Variants in SDK1 observed in about 807,000 individuals in gnomAD.
SDK1 encodes sidekick cell adhesion molecule 1, also known as protein sidekick-1.
In SDK1, 157 loss-of-function variants were observed where a neutral mutation model predicts 245.5. That is an observed-to-expected ratio of 0.64 (90% CI 0.56 to 0.73). The LOEUF (loss-of-function observed/expected upper bound fraction) is 0.73, where lower values mean the gene tolerates loss of function less well. SDK1 is among the 30% of genes least tolerant of loss of function. The pLI is 0.00. For missense variants in SDK1, 3,583 were observed against 3,002.3 expected (o/e 1.19, Z -4.52); for synonymous variants, 1,647 against 1,278.5 (o/e 1.29, Z -6.15).
chr7:3,512,310 C>T (rs1782607105), intron 1 of SDK1, among the ~76,000 whole-genome samples: 2 of 152,130 alleles, frequency 1.3e-5, no homozygotes, highest in Non-Finnish European at 2.9e-5. Context: ...CACTTGTTTT[C>T]AGTGCTGAGT....
intron 13 of SDK1, among the ~76,000 whole-genome samples, chr7:3,980,231 G>C (rs999322474): frequency 2.6e-5 from 4 of 152,196 alleles, no homozygotes; most frequent in Non-Finnish European, 4.4e-5. Context: ...TTTCTTTCGA[G>C]TCTTTTTCAA....
chr7:4,119,725 T>C lies in SDK1; in HGVS notation c.3823+5451T>C, dbSNP rs144917928. Among the ~76,000 whole-genome samples the C allele has an allele frequency of 6.0e-5, 9 of 149,246 alleles. No homozygotes were observed. The East Asian group carries it at 1.7e-3, about 29-fold the overall frequency. On this transcript the variant is annotated intron_variant, in intron 25 of 44. Transcript: ENST00000404826. Reference sequence around the variant, plus strand: ...AAAATGATTCCTCTCTGGAGAGATATTGCCAAAGCCAAATTATCCAAAATA... The same window carrying C: ...AAAATGATTCCTCTCTGGAGAGATACTGCCAAAGCCAAATTATCCAAAATA...
At chr7:3,658,606 C>A (rs1313992140) in intron 4 of SDK1, among the ~76,000 whole-genome samples, 1 of 134,776 alleles carries the variant, frequency 7.4e-6, no homozygotes, top group African/African-American at 2.7e-5. Context: ...TCACTACTAT[C>A]TTCTTTTTTT....
In SDK1 at chr7:4,070,655, C is replaced by T. The variant is rs59768762; in HGVS notation, c.3010+2719C>T. Reference sequence around the variant, plus strand: ...GTGCCAACCAGATCCCCTGATAGAGCGGTGTGCCCACAGCCCATACACAAG... The same window carrying T: ...GTGCCAACCAGATCCCCTGATAGAGTGGTGTGCCCACAGCCCATACACAAG... On this transcript the variant is annotated intron_variant, in intron 20 of 44. Transcript: ENST00000404826. 7.5e-3 allele frequency among the ~76,000 whole-genome samples: 1,139 copies of T among 152,194 alleles called. 10 individuals carry two copies. Among genetic ancestry groups the T allele is most frequent in the African/African-American group, 0.026 (1,085 of 41,544 alleles).
At chr7:3,343,479 C>A (rs1181248218) in intron 1 of SDK1, among the ~76,000 whole-genome samples, 1 of 152,086 alleles carries the variant, frequency 6.6e-6, no homozygotes, top group African/African-American at 2.4e-5. Context: ...TAGTGGCTTC[C>A]AGTGGCTAAA....
At chr7:3,413,523 C>A (rs1029330612) in intron 1 of SDK1, among the ~76,000 whole-genome samples, 3 of 152,090 alleles carry the variant, frequency 2.0e-5, no homozygotes, top group African/African-American at 7.2e-5. Flanking sequence ...AGTGAAACTC[C>A]GTCTCTACTA....
Position 3,877,738 on chromosome 7 carries a change from G to A in SDK1, c.847+56155G>A, listed in dbSNP as rs572422371. 4.6e-5 allele frequency among the ~76,000 whole-genome samples: 7 copies of A among 152,112 alleles called. No homozygotes were observed. In the East Asian group the frequency reaches 5.8e-4, roughly 13 times the overall value. The stretch of plus-strand genomic sequence containing the variant: ...GAAAATATGGAGATTCGTATAAGAC[G>A]GGGTATCATCCTAAAGTCAATGTGG... On this transcript the variant is annotated intron_variant, in intron 5 of 44. Coordinates refer to ENST00000404826, the MANE Select transcript of SDK1 (RefSeq NM_152744.4).
intron 1 of SDK1, among the ~76,000 whole-genome samples, chr7:3,315,456 A>C (rs1383471044): frequency 6.6e-6 from 1 of 152,170 alleles, no homozygotes; most frequent in Non-Finnish European, 1.5e-5. Flanking sequence ...CCACATGAAC[A>C]GCCCTTCCTG....
At chr7:4,048,102 T>C (rs1789152249) in intron 17 of SDK1, among the ~76,000 whole-genome samples, 1 of 152,112 alleles carries the variant, frequency 6.6e-6, no homozygotes, top group Non-Finnish European at 1.5e-5. Flanking sequence ...AGACGGGCTT[T>C]TGGGGAAGGG....
At chr7:3,698,495 A>G (rs994224795) in intron 4 of SDK1, among the ~76,000 whole-genome samples, 3 of 152,282 alleles carry the variant, frequency 2.0e-5, no homozygotes, top group Non-Finnish European at 4.4e-5. Flanking sequence ...AGTGGTGACA[A>G]GGGCCCTCCT....
rs59020357 is a variant in SDK1 at position 3,618,510 on chromosome 7, C to T, written c.299-570C>T. Among the ~76,000 whole-genome samples, 303 of 152,318 alleles carry T rather than the reference C, an allele frequency of 2.0e-3. 2 individuals carry two copies. Among genetic ancestry groups the T allele is most frequent in the African/African-American group, 7.0e-3 (293 of 41,562 alleles). ...TGTAGCAATTGTTGCTGCATTCTCGCTGCAGTGCGCTGTTCCATTATGTGA... is the reference window on the plus strand; with the variant it reads ...TGTAGCAATTGTTGCTGCATTCTCGTTGCAGTGCGCTGTTCCATTATGTGA... On this transcript the variant is annotated intron_variant, in intron 1 of 44. Transcript: ENST00000404826.
intron 1 of SDK1, among the ~76,000 whole-genome samples, chr7:3,588,817 G>T (rs1780769624): frequency 6.6e-6 from 1 of 152,140 alleles, no homozygotes; most frequent in African/African-American, 2.4e-5. Context: ...CACTACTTTG[G>T]ATGATCCAAA....
In SDK1 at chr7:3,839,761, T is replaced by G. The variant is rs6969060; in HGVS notation, c.847+18178T>G. On this transcript the variant is annotated intron_variant, in intron 5 of 44. Coordinates refer to ENST00000404826, the MANE Select transcript of SDK1 (RefSeq NM_152744.4). The stretch of plus-strand genomic sequence containing the variant: ...ATTTGTCACAATGTATAATGATGTG[T>G]GATGGTTTGATTAATTGTGAATAGC... 7.9e-3 allele frequency among the ~76,000 whole-genome samples: 1,206 copies of G among 152,338 alleles called. 18 individuals carry two copies. Among genetic ancestry groups the G allele is most frequent in the African/African-American group, 0.028 (1,171 of 41,586 alleles).
chr7:4,172,080 A>G (rs930815682), intron 32 of SDK1, among the ~76,000 whole-genome samples: 1 of 152,176 alleles, frequency 6.6e-6, no homozygotes, highest in Non-Finnish European at 1.5e-5. Flanking sequence ...CGGATCGCAA[A>G]GACCCAGCAA....
intron 22 of SDK1, 35 bp downstream of exon 22, chr7:4,079,619 C>G: frequency 1.2e-6 from 2 of 1,612,444 alleles, no homozygotes; most frequent in Middle Eastern, 1.7e-4. Flanking sequence ...CTGGCATTTG[C>G]GAAGAGCAGT....
intron 1 of SDK1, among the ~76,000 whole-genome samples, chr7:3,551,086 A>T (rs1260166351): frequency 6.6e-6 from 1 of 152,016 alleles, no homozygotes; most frequent in Non-Finnish European, 1.5e-5. Context: ...CCTGCAAACT[A>T]TTTTTTTTAA....
At chr7:4,137,516 G>A (rs960750553) in intron 28 of SDK1, among the ~76,000 whole-genome samples, 1 of 152,174 alleles carries the variant, frequency 6.6e-6, no homozygotes, top group Admixed American at 6.5e-5. Flanking sequence ...GATTCTGATT[G>A]TCTAAATGTG....
intron 1 of SDK1, among the ~76,000 whole-genome samples, chr7:3,421,868 C>G (rs1019990609): frequency 4.6e-5 from 7 of 152,120 alleles, no homozygotes; most frequent in Non-Finnish European, 2.9e-5. Context: ...TTTTTGGGTG[C>G]TTGAGACTCT....
chr7:4,040,350 A>T (rs1461309029), intron 17 of SDK1, among the ~76,000 whole-genome samples: 2 of 152,164 alleles, frequency 1.3e-5, no homozygotes, highest in Non-Finnish European at 2.9e-5. Context: ...GTAGTCTTCA[A>T]CCCGGGGGTC....
Sources: allele counts gnomAD v4.1 joint callset (sites outside exome capture counted in the v4.1 genomes callset), GRCh38; gene constraint gnomAD v4.1.1; transcripts MANE v1.5; gene names NCBI Gene and HGNC (gene_info 2026-07-23, HGNC 2026-07-21).